CNTNAP5: variants seen among roughly 807,000 people sequenced by gnomAD.
CNTNAP5 encodes contactin associated protein family member 5.
Under a neutral mutation model 150.2 loss-of-function variants are expected in CNTNAP5, and 72 were observed. That is an observed-to-expected ratio of 0.48 (90% CI 0.40 to 0.58). CNTNAP5 has a LOEUF of 0.58. CNTNAP5 is among the 20% of genes least tolerant of loss of function. The pLI, the probability that CNTNAP5 is intolerant of heterozygous loss-of-function variation, is 0.00. For missense variants in CNTNAP5, 1,636 were observed against 1,626.2 expected, an observed-to-expected ratio of 1.01 and a Z score of -0.10; for synonymous variants, 672 against 619.8, an observed-to-expected ratio of 1.08 and a Z score of -1.25.
At chr2:124,074,564 T>C (rs1682391776) in intron 1 of CNTNAP5, among the ~76,000 whole-genome samples, 1 of 152,082 alleles carries the variant, frequency 6.6e-6, no homozygotes, top group South Asian at 2.1e-4. Flanking sequence ...CTGTTGCATA[T>C]GGAGAACAGT....
intron 21 of CNTNAP5, among the ~76,000 whole-genome samples, chr2:124,875,831 T>A (rs975267727): frequency 6.6e-6 from 1 of 151,746 alleles, no homozygotes; most frequent in Non-Finnish European, 1.5e-5. Context: ...ATACAGAATC[T>A]AGTGTGACTC....
At chr2:124,790,282 C>T (rs1020574550) in intron 18 of CNTNAP5, 141 bp downstream of exon 18, 43 of 892,144 alleles carry the variant, frequency 4.8e-5, no homozygotes, top group Non-Finnish European at 6.4e-5. Flanking sequence ...AGTTCTTCAA[C>T]GTAATTGCAT....
At chr2:124,579,014 A>T (rs750077866) in intron 11 of CNTNAP5, among the ~76,000 whole-genome samples, 4 of 152,194 alleles carry the variant, frequency 2.6e-5, no homozygotes, top group African/African-American at 4.8e-5. Context: ...CTAGCTTTAA[A>T]CATGCATAAC....
intron 7 of CNTNAP5, among the ~76,000 whole-genome samples, chr2:124,497,843 T>C (rs1036644684): frequency 4.6e-5 from 7 of 152,316 alleles, no homozygotes; most frequent in African/African-American, 1.7e-4. Context: ...GTTCCATCCT[T>C]GTGTCTATCA....
chr2:124,772,101 C>T (rs970833955), intron 16 of CNTNAP5, among the ~76,000 whole-genome samples: 6 of 151,610 alleles, frequency 4.0e-5, no homozygotes, highest in Non-Finnish European at 8.8e-5. Context: ...CCACCACTAC[C>T]ACAGCACTAC....
chr2:124,710,177 G>A (rs1679777082), intron 13 of CNTNAP5, among the ~76,000 whole-genome samples: 1 of 152,038 alleles, frequency 6.6e-6, no homozygotes, highest in African/African-American at 2.4e-5. Flanking sequence ...CTGGTTAGTG[G>A]GAATGTGGGA....
intron 19 of CNTNAP5, among the ~76,000 whole-genome samples, chr2:124,826,570 A>AGT (rs1057437166): frequency 6.6e-6 from 1 of 152,100 alleles, no homozygotes; most frequent in Non-Finnish European, 1.5e-5. Flanking sequence ...GGGTTTGCAA[A>AGT]GTGTGGTCTC....
intron 12 of CNTNAP5, among the ~76,000 whole-genome samples, chr2:124,631,587 G>A (rs953359475): frequency 3.3e-5 from 5 of 152,102 alleles, no homozygotes; most frequent in Admixed American, 6.6e-5. Flanking sequence ...ATGGATTAAA[G>A]ACTTAAGGGC....
rs1187961580 is a variant in CNTNAP5 at position 124,423,652 on chromosome 2, C to CTTTTTTTTTT, written c.529+6083_529+6092dup. The stretch of plus-strand genomic sequence containing the variant: ...TGAGCCACTGCGCCCGGCTAATTAA[C>CTTTTTTTTTT]TTTTTTTTTTTTTTTTTTTTTTTTT... On this transcript the variant is annotated intron_variant, in intron 4 of 23. Transcript: ENST00000682447. Among the ~76,000 whole-genome samples, 21 of 41,594 alleles carry CTTTTTTTTTT rather than the reference C, an allele frequency of 5.0e-4. 3 individuals carry two copies. The highest frequency in any genetic ancestry group is 6.2e-4 in the African/African-American group (6 of 9,632). The allele number at this position is 41,594 out of a possible 152,430, so 27.3% of individuals were successfully genotyped here.
intron 1 of CNTNAP5, among the ~76,000 whole-genome samples, chr2:124,163,520 T>C (rs1684737598): frequency 6.6e-6 from 1 of 152,016 alleles, no homozygotes. Context: ...ACAGAAATGC[T>C]AGCTCTCAGG....
chr2:124,197,583 G>A (rs1573828060), intron 1 of CNTNAP5, among the ~76,000 whole-genome samples: 1 of 152,170 alleles, frequency 6.6e-6, no homozygotes, highest in Admixed American at 6.5e-5. Context: ...CACTTGTTTA[G>A]AGTATTTACC....
chr2:124,911,992 C>T (rs1011971740), intron 23 of CNTNAP5, among the ~76,000 whole-genome samples: 2 of 152,106 alleles, frequency 1.3e-5, no homozygotes, highest in Admixed American at 6.6e-5. Context: ...GTGAAGCCCA[C>T]AGAACTGTAG....
At chr2:124,273,642 C>T (rs1687811780) in intron 3 of CNTNAP5, among the ~76,000 whole-genome samples, 1 of 152,290 alleles carries the variant, frequency 6.6e-6, no homozygotes, top group East Asian at 1.9e-4. Flanking sequence ...TCCCCCTTAA[C>T]CCCGACCTGC....
intron 22 of CNTNAP5, among the ~76,000 whole-genome samples, chr2:124,907,296 C>A (rs1225882579): frequency 1.3e-5 from 2 of 151,804 alleles, no homozygotes; most frequent in Non-Finnish European, 2.9e-5. Context: ...AGTGAAAACC[C>A]CTCACAGGTA....
At chr2:124,770,452 A>G (rs1353239183) in intron 16 of CNTNAP5, among the ~76,000 whole-genome samples, 3 of 152,186 alleles carry the variant, frequency 2.0e-5, no homozygotes, top group Non-Finnish European at 4.4e-5. Context: ...TTTATTATCC[A>G]CAAGACTAGC....
intron 13 of CNTNAP5, among the ~76,000 whole-genome samples, chr2:124,695,845 G>A (rs1025154062): frequency 4.6e-4 from 70 of 152,134 alleles, no homozygotes; most frequent in Non-Finnish European, 2.4e-4. Context: ...AGAGTGAAGA[G>A]TGCTCGGCAC....
chr2:124,544,234 G>A (rs767214955), intron 10 of CNTNAP5, among the ~76,000 whole-genome samples: 2 of 152,094 alleles, frequency 1.3e-5, no homozygotes, highest in Non-Finnish European at 2.9e-5. Flanking sequence ...CTTGGACTAA[G>A]GCTAATGTTT....
intron 19 of CNTNAP5, among the ~76,000 whole-genome samples, chr2:124,821,711 T>C (rs981484283): frequency 2.0e-5 from 3 of 152,162 alleles, no homozygotes; most frequent in Non-Finnish European, 2.9e-5. Context: ...AGCCCCACAG[T>C]AGTAGCTCTC....
intron 6 of CNTNAP5, among the ~76,000 whole-genome samples, chr2:124,451,207 A>G (rs1360691592): frequency 6.6e-6 from 1 of 151,094 alleles, no homozygotes; most frequent in African/African-American, 2.4e-5. Context: ...TTTACAAAGT[A>G]CAAAATATAT....
Sources: allele counts gnomAD v4.1 joint callset (sites outside exome capture counted in the v4.1 genomes callset), GRCh38; gene constraint gnomAD v4.1.1; transcripts MANE v1.5; gene names NCBI Gene and HGNC (gene_info 2026-07-23, HGNC 2026-07-21).